The following ANKDD1B variants were observed in gnomAD, a reference collection of about 807,000 sequenced individuals.
ANKDD1B encodes the protein ankyrin repeat and death domain-containing protein 1B.
In ANKDD1B, 57 loss-of-function variants were observed where a neutral mutation model predicts 59.7. The observed-to-expected ratio is 0.95, with a 90% confidence interval of 0.77 to 1.19. ANKDD1B has a LOEUF of 1.19. Ranked by LOEUF, ANKDD1B falls within the 50% of genes most tolerant of loss-of-function variation. ANKDD1B has a pLI of 0.00. For synonymous variants in ANKDD1B, 216 were observed against 239.5 expected, an observed-to-expected ratio of 0.90 and a Z score of 0.91; for missense variants, 602 against 641.9, an observed-to-expected ratio of 0.94 and a Z score of 0.67.
intron 9 of ANKDD1B, among the ~76,000 whole-genome samples, chr5:75,658,118 G>A (rs1335795819): frequency 6.6e-6 from 1 of 152,030 alleles, no homozygotes; most frequent in Non-Finnish European, 1.5e-5. Context: ...GATTGCTTGA[G>A]CCCAGGAGTT....
chr5:75,669,803 A>C lies in ANKDD1B; in HGVS notation c.1525+420A>C, dbSNP rs529866961. 2.0e-5 allele frequency among the ~76,000 whole-genome samples: 3 copies of C among 152,300 alleles called. No homozygotes were observed. In the East Asian group the frequency reaches 5.8e-4, roughly 29 times the overall value. On this transcript the variant is annotated intron_variant, in intron 13 of 13. Transcript: ENST00000601380. ...GCAGGTTAGTGTATTTGAAAATGTT[A>C]TCTCTAGGTAGAACAAAAAGAGCAG...
chr5:75,624,539 C>A (rs1180393368), intron 3 of ANKDD1B, among the ~76,000 whole-genome samples: 1 of 152,164 alleles, frequency 6.6e-6, no homozygotes, highest in Non-Finnish European at 1.5e-5. Context: ...AGTCTCACAA[C>A]TTTATGCACA....
intron 3 of ANKDD1B, 139 bp from the exon 4 acceptor site, chr5:75,625,508 T>C: frequency 3.0e-6 from 2 of 668,946 alleles, no homozygotes; most frequent in Non-Finnish European, 5.0e-6. Context: ...AGGACCGAAA[T>C]ATCACTTTTG....
chr5:75,653,315 A>G (rs1481710888), intron 8 of ANKDD1B, 75 bp downstream of exon 8: 1 of 978,504 alleles, frequency 1.0e-6, no homozygotes, highest in African/African-American at 1.6e-5. Context: ...TGCCCCTTGC[A>G]GATACGTGTA....
intron 7 of ANKDD1B, among the ~76,000 whole-genome samples, chr5:75,640,158 C>T (rs764369719): frequency 6.6e-6 from 1 of 152,056 alleles, no homozygotes; most frequent in Non-Finnish European, 1.5e-5. Flanking sequence ...ATCCTCTCAC[C>T]TCAGCCTCCT....
At chr5:75,627,479 T>TAAAGCACTTAGCAA (rs1774024265) in intron 5 of ANKDD1B, among the ~76,000 whole-genome samples, 1 of 152,196 alleles carries the variant, frequency 6.6e-6, no homozygotes, top group Non-Finnish European at 1.5e-5. Context: ...CTAATGACTA[T>TAAAGCACTTAGCAA]AAAGCACTTA....
intron 13 of ANKDD1B, 94 bp downstream of exon 13, chr5:75,669,477 C>T (rs903338271): frequency 3.9e-5 from 44 of 1,120,736 alleles, no homozygotes; most frequent in Non-Finnish European, 5.0e-5. Flanking sequence ...ACAGCCCCAG[C>T]GTGGTGTTAG....
intron 12 of ANKDD1B, among the ~76,000 whole-genome samples, chr5:75,667,370 CTG>C (rs1415021910): frequency 6.6e-6 from 1 of 152,150 alleles, no homozygotes; most frequent in Non-Finnish European, 1.5e-5. Context: ...TTCCTTGAGA[CTG>C]TCCTGGGGTG....
chr5:75,658,232 TG>T (rs1775024944), intron 9 of ANKDD1B, among the ~76,000 whole-genome samples: 1 of 152,078 alleles, frequency 6.6e-6, no homozygotes, highest in Non-Finnish European at 1.5e-5. Flanking sequence ...AATATATAAA[TG>T]TTTTTTGGTA....
chr5:75,652,137 A>G (rs1290813097), intron 7 of ANKDD1B, among the ~76,000 whole-genome samples: 10 of 152,242 alleles, frequency 6.6e-5, no homozygotes. Context: ...AATTTCCAGC[A>G]GCATCCTTAA....
intron 9 of ANKDD1B, among the ~76,000 whole-genome samples, chr5:75,656,396 A>G (rs551940099): frequency 6.6e-6 from 1 of 152,310 alleles, no homozygotes; most frequent in Middle Eastern, 3.4e-3. Flanking sequence ...ATAGAAAAAC[A>G]GTAGCTCAGA....
intron 3 of ANKDD1B, among the ~76,000 whole-genome samples, chr5:75,621,347 T>C (rs1394642569): frequency 6.6e-6 from 1 of 152,168 alleles, no homozygotes; most frequent in Non-Finnish European, 1.5e-5. Context: ...TTGGAAGGTA[T>C]GGAAGGAAAA....
At chr5:75,648,267 T>TG (rs1774703341) in intron 7 of ANKDD1B, among the ~76,000 whole-genome samples, 1 of 87,400 alleles carries the variant, frequency 1.1e-5, no homozygotes, top group Admixed American at 1.3e-4. Context: ...AAAAAAAAAT[T>TG]AAAAAAAAAA....
rs143889419 is a variant in ANKDD1B, at chr5:75,631,934, C to T, written c.601-2964C>T. On this transcript the variant is annotated intron_variant, in intron 5 of 13. Transcript: ENST00000601380. ...TAGCTTGGCCAACATAGTGAAATCCCGTCTCTACTAAAAATACAAAAAATT... is the reference window on the plus strand; with the variant it reads ...TAGCTTGGCCAACATAGTGAAATCCTGTCTCTACTAAAAATACAAAAAATT... Among the ~76,000 whole-genome samples the T allele has an allele frequency of 3.6e-3, 540 of 151,846 alleles. 6 individuals are homozygous for T. Among genetic ancestry groups the T allele is most frequent in the African/African-American group, 0.011 (455 of 41,414 alleles).
At chr5:75,623,363 C>T (rs530578924) in intron 3 of ANKDD1B, among the ~76,000 whole-genome samples, 2 of 152,092 alleles carry the variant, frequency 1.3e-5, no homozygotes, top group Non-Finnish European at 2.9e-5. Context: ...CCGTGCCTGG[C>T]CTTCTGGTCT....
chr5:75,657,184 A>G (rs919583333), intron 9 of ANKDD1B, among the ~76,000 whole-genome samples: 2 of 152,206 alleles, frequency 1.3e-5, no homozygotes, highest in African/African-American at 2.4e-5. Context: ...TCGTGCTCAC[A>G]TGTGATATTG....
At chr5:75,631,594 A>G (rs1039100143) in intron 5 of ANKDD1B, among the ~76,000 whole-genome samples, 3 of 152,104 alleles carry the variant, frequency 2.0e-5, no homozygotes, top group Admixed American at 6.6e-5. Flanking sequence ...GATGGCTCCG[A>G]CCCATCCAAT....
chr5:75,636,425 G>C (rs1171150353), intron 7 of ANKDD1B, among the ~76,000 whole-genome samples: 3 of 152,172 alleles, frequency 2.0e-5, no homozygotes, highest in Non-Finnish European at 4.4e-5. Flanking sequence ...GCTCAGGGTG[G>C]CAGAAATTGA....
chr5:75,659,140 T>C, intron 9 of ANKDD1B, 143 bp from the exon 10 acceptor site: 1 of 612,942 alleles, frequency 1.6e-6, no homozygotes, highest in Non-Finnish European at 2.9e-6. Flanking sequence ...TTTTCACTAT[T>C]GCAAATAATA....
Sources: gnomAD v4.1 joint callset for allele counts (sites outside exome capture counted in the v4.1 genomes callset) on GRCh38, gnomAD v4.1.1 for gene constraint, MANE v1.5 for transcripts, NCBI Gene and HGNC (gene_info 2026-07-23, HGNC 2026-07-21) for gene names.